FLNB: variants seen among roughly 807,000 people sequenced by gnomAD.
The protein encoded by FLNB is filamin-B.
Under a neutral mutation model 250.6 loss-of-function variants are expected in FLNB, and 111 were observed. The observed-to-expected ratio is 0.44, with a 90% CI of 0.38 to 0.52. The LOEUF (loss-of-function observed/expected upper bound fraction) is 0.52, where lower values mean the gene tolerates loss of function less well. FLNB is among the 20% of genes least tolerant of loss of function. FLNB has a pLI of 0.00. For missense variants in FLNB, 2,869 were observed against 3,447.8 expected (o/e 0.83, Z 4.20); for synonymous variants, 1,302 against 1,372.1 (o/e 0.95, Z 1.13).
chr3:58,133,320 C>T (rs1043197939), intron 26 of FLNB, among the ~76,000 whole-genome samples: 17 of 151,668 alleles, frequency 1.1e-4, no homozygotes, highest in African/African-American at 3.4e-4. Flanking sequence ...ATCCTAACCA[C>T]GTGTGGTGGG....
chr3:58,169,930 A>G lies in FLNB; in HGVS notation c.7621+137A>G. 1 of 636,966 alleles carries G rather than the reference A, an allele frequency of 1.6e-6. No individual in the cohort carries two copies. The highest frequency in any genetic ancestry group is 1.9e-5 in the South Asian group (1 of 51,860). 39.5% of individuals were successfully genotyped at this position (636,966 alleles called of 1,614,324 possible). A position where few individuals can be genotyped will look rare whatever the true frequency, so the allele number is the denominator to read the frequency against. On this transcript the variant is annotated intron_variant, in intron 45 of 45. Coordinates refer to ENST00000295956, the MANE Select transcript of FLNB (RefSeq NM_001457.4). This position sits in a 1 kb window ranked among gnomAD's most constrained non-coding sequence, Gnocchi z 4.8. Reference sequence around the variant, plus strand: ...CAGCCGTTTGCAAGTAACCATCGTCATGACCCTGTTCTCCTGCACTTAATA... The same window carrying G: ...CAGCCGTTTGCAAGTAACCATCGTCGTGACCCTGTTCTCCTGCACTTAATA...
chr3:58,110,985 A>G (rs2097267681), intron 16 of FLNB, among the ~76,000 whole-genome samples: 1 of 152,248 alleles, frequency 6.6e-6, no homozygotes, highest in Non-Finnish European at 1.5e-5. Context: ...CTAAATTATT[A>G]CCACTTTCTA....
At chr3:58,068,240 G>A (rs1014980025) in intron 1 of FLNB, among the ~76,000 whole-genome samples, 4 of 152,268 alleles carry the variant, frequency 2.6e-5, no homozygotes, top group African/African-American at 9.6e-5. Flanking sequence ...AAAGGCCACA[G>A]ATAGGCATCA....
intron 1 of FLNB, among the ~76,000 whole-genome samples, chr3:58,044,560 G>A (rs1202709481): frequency 6.6e-6 from 1 of 152,216 alleles, no homozygotes; most frequent in Non-Finnish European, 1.5e-5. Context: ...GGCGGGTCGA[G>A]GTTGCAGCAA....
chr3:58,029,329 A>G (rs1289108702), intron 1 of FLNB, among the ~76,000 whole-genome samples: 2 of 152,102 alleles, frequency 1.3e-5, no homozygotes, highest in African/African-American at 4.8e-5. Context: ...CAAGATATAC[A>G]CCAGAATTAG....
At chr3:58,113,754 C>T (rs2097273016) in intron 18 of FLNB, among the ~76,000 whole-genome samples, 1 of 152,202 alleles carries the variant, frequency 6.6e-6, no homozygotes, top group East Asian at 1.9e-4. Flanking sequence ...TCTCAGCTCA[C>T]TGCAACCTCT....
At chr3:58,138,089 A>C (rs2097319621) in intron 28 of FLNB, among the ~76,000 whole-genome samples, 193 bp from the exon 29 acceptor site, 1 of 152,202 alleles carries the variant, frequency 6.6e-6, no homozygotes, top group Admixed American at 6.5e-5. Context: ...GATGCTCCTT[A>C]TTTAGTAAGT....
In FLNB at chr3:58,121,523, C is replaced by A; in HGVS notation, c.3126+20C>A. On this transcript the variant is annotated intron_variant, in intron 20 of 45. Transcript: ENST00000295956. The stretch of plus-strand genomic sequence containing the variant: ...AGCAAGGTCAGCCTTTGCTTTTGTC[C>A]CAGAACTTGTCTCATTGCTGTCAAA... 6.2e-7 allele frequency: 1 copy of A among 1,613,336 alleles called. No homozygotes were observed. The highest frequency in any genetic ancestry group is 8.5e-7 in the Non-Finnish European group (1 of 1,179,956).
chr3:58,131,775 T>A (rs1408872453), intron 25 of FLNB, among the ~76,000 whole-genome samples: 1 of 152,200 alleles, frequency 6.6e-6, no homozygotes, highest in Non-Finnish European at 1.5e-5. Context: ...TCTGTGAAGT[T>A]ACTGAGCTTC....
chr3:58,049,812 G>A (rs2097159492), intron 1 of FLNB, among the ~76,000 whole-genome samples: 1 of 152,148 alleles, frequency 6.6e-6, no homozygotes, highest in African/African-American at 2.4e-5. Flanking sequence ...AATTGGGGAG[G>A]AGGGGTGGCT....
chr3:58,109,934 T>A, intron 15 of FLNB, 76 bp from the exon 16 acceptor site: 5 of 1,579,992 alleles, frequency 3.2e-6, no homozygotes, highest in Non-Finnish European at 4.3e-6. Flanking sequence ...TTTGAGGGTG[T>A]TAACCTGAGC....
chr3:58,154,845 T>C lies in FLNB; in HGVS notation c.6689T>C (p.Val2230Ala), dbSNP rs886058765. 3.1e-6 allele frequency: 5 copies of C among 1,613,832 alleles called. No individual in the cohort carries two copies. The highest frequency in any genetic ancestry group is 4.2e-6 in the Non-Finnish European group (5 of 1,179,838). ...EAGAGGLSIA[V>A]EGPSKAEITF... is the part of the protein sequence containing the mutation. ...GGCGCTGGAGGCCTCTCCATCGCTG[T>C]TGAGGGCCCCAGTAAGGCCGAGATT... Residue 2230 changes from valine (V) to alanine (A), a missense_variant, in exon 40 of 46, where the codon GTT becomes GCT. By Grantham distance (64) the Val-to-Ala change is moderately conservative. Around this residue, in one of 5 missense-constraint regions of FLNB, gnomAD observed 1,084 missense variants for 1,315.5 expected, o/e 0.82. Transcript: ENST00000295956.
chr3:58,124,441 C>A lies in FLNB; in HGVS notation c.3834C>A (p.Thr1278=). ...TTGCCAACCCCTCAGGGGCCTCCAC[C>A]GAGTGCTTTGTCACAGACAATGCGG... The part of the protein sequence containing the change: ...AHIANPSGAS[T]ECFVTDNADG... The change falls in exon 22 of 46, where the codon ACC becomes ACA. Residue 1278 remains threonine (T), a synonymous_variant. Transcript: ENST00000295956. The A allele has an allele frequency of 6.2e-7, 1 of 1,614,208 alleles. No individual in the cohort carries two copies. The highest frequency in any genetic ancestry group is 2.2e-5 in the East Asian group (1 of 44,878).
intron 1 of FLNB, among the ~76,000 whole-genome samples, chr3:58,067,239 CACAGTG>C (rs1330804951): frequency 7.3e-5 from 11 of 150,842 alleles, no homozygotes; most frequent in Non-Finnish European, 1.6e-4. Flanking sequence ...TCCTTCTCAA[CACAGTG>C]TACTAGCACC....
intron 43 of FLNB, 117 bp downstream of exon 43, chr3:58,163,447 GTC>G (rs1406739280): frequency 7.3e-6 from 8 of 1,097,048 alleles, no homozygotes; most frequent in Non-Finnish European, 1.1e-5. Context: ...GGAAACTGGG[GTC>G]ATGCACACTT....
intron 25 of FLNB, chr3:58,132,077 A>G: frequency 8.3e-7 from 1 of 1,204,730 alleles, no homozygotes; most frequent in East Asian, 2.5e-5. Context: ...TGCTGGCCTC[A>G]CTTCTAAAAT....
At chr3:58,075,716 G>A (rs920174078) in intron 1 of FLNB, among the ~76,000 whole-genome samples, 1 of 152,124 alleles carries the variant, frequency 6.6e-6, no homozygotes, top group Non-Finnish European at 1.5e-5. Context: ...ATAGAAAAGG[G>A]TTTGCCAAAA....
intron 24 of FLNB, among the ~76,000 whole-genome samples, chr3:58,130,467 C>G (rs989122787): frequency 2.6e-5 from 4 of 152,170 alleles, no homozygotes; most frequent in Non-Finnish European, 5.9e-5. Context: ...GAGTGACTTG[C>G]TTGCCTCATC....
intron 33 of FLNB, 63 bp from the exon 34 acceptor site, chr3:58,146,757 G>T: frequency 6.3e-7 from 1 of 1,585,140 alleles, no homozygotes; most frequent in Non-Finnish European, 8.7e-7. Context: ...GTTGTTAAAA[G>T]GAAACTCTTA....
Sources: gnomAD v4.1 joint callset for allele counts (sites outside exome capture counted in the v4.1 genomes callset) on GRCh38, gnomAD v4.1.1 for gene constraint, gnomAD v4.1.1 regional missense constraint, Gnocchi (gnomAD v3.1) non-coding constraint, MANE v1.5 for transcripts, NCBI Gene and HGNC (gene_info 2026-07-23, HGNC 2026-07-21) for gene names.